PXDN: variants seen among roughly 807,000 people sequenced by gnomAD.
PXDN encodes the protein peroxidasin homolog.
PXDN carries 77 observed loss-of-function variants against 140.3 expected under a neutral mutation model. The ratio of observed to expected loss-of-function variants is 0.55; its 90% CI spans 0.46 to 0.66. PXDN has a LOEUF of 0.66. PXDN is among the 30% of genes least tolerant of loss of function. PXDN has a pLI of 0.00. For synonymous variants in PXDN, 911 were observed against 857.4 expected, an observed-to-expected ratio of 1.06 and a Z score of -1.09; for missense variants, 1,838 against 2,039.5, an observed-to-expected ratio of 0.90 and a Z score of 1.90.
chr2:1,668,840 C>T (rs558717911), intron 9 of PXDN, among the ~76,000 whole-genome samples: 47 of 152,300 alleles, frequency 3.1e-4, no homozygotes, highest in African/African-American at 1.1e-3. Context: ...AACATTTTTA[C>T]GCTGTTGCTG....
At chr2:1,665,955 C>G (rs1683423984) in intron 10 of PXDN, among the ~76,000 whole-genome samples, 2 of 152,350 alleles carry the variant, frequency 1.3e-5, no homozygotes, top group South Asian at 2.1e-4. Flanking sequence ...GATAGACACT[C>G]CTGCTGGCCA....
intron 16 of PXDN, among the ~76,000 whole-genome samples, chr2:1,650,034 C>T (rs1054581797): frequency 6.6e-6 from 1 of 152,158 alleles, no homozygotes; most frequent in African/African-American, 2.4e-5. Flanking sequence ...ACTGTTCCAA[C>T]CTCACTTTAA....
chr2:1,644,586 A>C (rs373350185), intron 18 of PXDN, 32 bp downstream of exon 18: 2 of 1,560,762 alleles, frequency 1.3e-6, no homozygotes, highest in African/African-American at 2.7e-5. Flanking sequence ...GTGGCTTAGG[A>C]GCGTGCTCCC....
At position 1,649,699 on chromosome 2, in the gene PXDN, C is replaced by G. The variant is rs747636202; in HGVS notation, c.2105-24G>C. ...ACCTGGGACGTGGAGAAAAGCAAGA[C>G]GCACTCAATTCCCCTGGAGGATGTG... On this transcript the variant is annotated intron_variant, in intron 16 of 22. Transcript: ENST00000252804. The surrounding 1 kb of genome is among the most constrained non-coding windows in gnomAD (Gnocchi z 7.1). 6.2e-7 allele frequency: 1 copy of G among 1,612,072 alleles called. No homozygotes were observed. The highest frequency in any genetic ancestry group is 2.2e-5 in the East Asian group (1 of 44,860).
intron 11 of PXDN, 61 bp downstream of exon 11, chr2:1,664,897 T>C (rs1304793409): frequency 1.4e-6 from 2 of 1,381,480 alleles, no homozygotes; most frequent in Non-Finnish European, 2.0e-6. Flanking sequence ...ACAGTGGAAA[T>C]GTGTGCTTCC....
intron 1 of PXDN, among the ~76,000 whole-genome samples, chr2:1,694,794 C>T (rs544516530): frequency 6.6e-6 from 1 of 152,284 alleles, no homozygotes; most frequent in Non-Finnish European, 1.5e-5. Context: ...AGCAGCCATC[C>T]AGGATGCCCA....
chr2:1,665,103 A>C (rs1401431757), intron 10 of PXDN, 29 bp from the exon 11 acceptor site: 3 of 1,519,378 alleles, frequency 2.0e-6, no homozygotes. Flanking sequence ...TCAAAACAGG[A>C]CATGTAAAAA....
Position 1,632,244 on chromosome 2 carries a change from A to T in PXDN, c.*1960T>A, listed in dbSNP as rs1682429113. 6.6e-6 allele frequency: 1 copy of T among 152,172 alleles called. No homozygotes were observed. Among genetic ancestry groups the T allele is most frequent in the Non-Finnish European group, 1.5e-5 (1 of 68,036 alleles). 9.4% of individuals were successfully genotyped at this position (152,172 alleles called of 1,614,324 possible). A position where few individuals can be genotyped will look rare whatever the true frequency, so the allele number is the denominator to read the frequency against. The stretch of plus-strand genomic sequence containing the variant: ...GACTGGCCCAGACCGCACATTACGC[A>T]GGTGTGCTACAGGTGTGCCGCCTCA... On this transcript the variant is annotated 3_prime_UTR_variant, in exon 23 of 23. Coordinates refer to ENST00000252804, the MANE Select transcript of PXDN (RefSeq NM_012293.3). This position sits in a 1 kb window ranked among gnomAD's most constrained non-coding sequence, Gnocchi z 4.3.
At chr2:1,716,883 A>G (rs1382419793) in intron 1 of PXDN, among the ~76,000 whole-genome samples, 3 of 152,204 alleles carry the variant, frequency 2.0e-5, no homozygotes, top group Admixed American at 6.5e-5. Flanking sequence ...ACAGGTTCAG[A>G]TAAGTGGGTC....
intron 6 of PXDN, among the ~76,000 whole-genome samples, chr2:1,681,273 A>ACACACT (rs1491323628): frequency 2.0e-5 from 3 of 151,682 alleles, no homozygotes; most frequent in Non-Finnish European, 4.4e-5. Context: ...ATGGCAGGAA[A>ACACACT]CACACTATCT....
intron 1 of PXDN, among the ~76,000 whole-genome samples, chr2:1,713,717 T>A: frequency 6.6e-6 from 1 of 152,176 alleles, no homozygotes; most frequent in South Asian, 2.1e-4. Context: ...CTCCGGAGCA[T>A]GGGGGCACAG....
At chr2:1,655,241 CACAG>C (rs1481462405) in intron 14 of PXDN, among the ~76,000 whole-genome samples, 1 of 151,306 alleles carries the variant, frequency 6.6e-6, no homozygotes, top group Non-Finnish European at 1.5e-5. Context: ...ACATTATATA[CACAG>C]AAACACATAC....
chr2:1,680,684 C>T (rs962741725), intron 6 of PXDN, among the ~76,000 whole-genome samples: 5 of 152,160 alleles, frequency 3.3e-5, no homozygotes, highest in African/African-American at 4.8e-5. Flanking sequence ...AGTGTGCCAG[C>T]GGCACAGGTC....
rs2278114 is a variant in PXDN at position 1,687,474 on chromosome 2, C to A, written c.416+158G>T. On this transcript the variant is annotated intron_variant, in intron 4 of 22. Coordinates refer to ENST00000252804, the MANE Select transcript of PXDN (RefSeq NM_012293.3). The surrounding 1 kb of genome is among the most constrained non-coding windows in gnomAD (Gnocchi z 4.0). ...GGCGGGGCGGAGGGCAAATGACTCG[C>A]CCATCCCTGTTTTTCCGTCATCATG... Among the ~76,000 whole-genome samples the A allele has an allele frequency of 6.6e-6, 1 of 152,148 alleles. No individual in the cohort carries two copies. Among genetic ancestry groups the A allele is most frequent in the Non-Finnish European group, 1.5e-5 (1 of 68,030 alleles).
Position 1,685,022 on chromosome 2 carries a change from A to T in PXDN, c.417-871T>A, listed in dbSNP as rs1164157343. 6.6e-6 allele frequency among the ~76,000 whole-genome samples: 1 copy of T among 152,226 alleles called. No homozygotes were observed. ...AGCATGCCAGCGTTCACAGGTCTTC[A>T]TAACTCCACAGAAAGGAGGACTCCT... On this transcript the variant is annotated intron_variant, in intron 4 of 22. Coordinates refer to ENST00000252804, the MANE Select transcript of PXDN (RefSeq NM_012293.3). This position sits in a 1 kb window ranked among gnomAD's most constrained non-coding sequence, Gnocchi z 5.1.
At position 1,744,290 on chromosome 2, in the gene PXDN, C is replaced by T. The variant is rs1323489462; in HGVS notation, c.166G>A (p.Ala56Thr). 9 of 1,521,890 alleles carry T rather than the reference C, an allele frequency of 5.9e-6. No homozygotes were observed. Among genetic ancestry groups the T allele is most frequent in the South Asian group, 1.2e-5 (1 of 82,544 alleles). 94.3% of individuals were successfully genotyped at this position (1,521,890 alleles called of 1,614,324 possible). A position where few individuals can be genotyped will look rare whatever the true frequency, so the allele number is the denominator to read the frequency against. The change falls in exon 1 of 23, where the codon GCC becomes ACC. Residue 56 changes from alanine to threonine, a missense_variant. This residue lies in a region of PXDN where 231 missense variants were observed against 201.5 expected (regional missense o/e 1.15). Coordinates refer to ENST00000252804, the MANE Select transcript of PXDN (RefSeq NM_012293.3). ...TVRCMHLLLE[A>T]VPAVAPQTSI... ...GTCTGCGGCGCCACGGCGGGCACGG[C>T]CTCCAGCAGCAGATGCATGCAGCGC...
chr2:1,737,108 C>T (rs955412600), intron 1 of PXDN, among the ~76,000 whole-genome samples: 1 of 152,192 alleles, frequency 6.6e-6, no homozygotes, highest in Non-Finnish European at 1.5e-5. Context: ...TGGACAGGAG[C>T]AGGGCATGAA....
intron 1 of PXDN, among the ~76,000 whole-genome samples, chr2:1,730,048 A>G (rs140099537): frequency 1.7e-3 from 255 of 152,134 alleles, no homozygotes; most frequent in African/African-American, 6.0e-3. Flanking sequence ...GATAAATATT[A>G]ACAGGTAGAC....
At chr2:1,634,427 G>A (rs1238133515) in intron 22 of PXDN, 104 bp from the exon 23 acceptor site, 8 of 1,410,350 alleles carry the variant, frequency 5.7e-6, no homozygotes, top group Non-Finnish European at 6.6e-6. Flanking sequence ...CATGAGTCAG[G>A]CCTTGCCCTG....
Sources: allele counts gnomAD v4.1 joint callset (sites outside exome capture counted in the v4.1 genomes callset), GRCh38; gene constraint gnomAD v4.1.1; regional missense constraint gnomAD v4.1.1; non-coding constraint Gnocchi (gnomAD v3.1); transcripts MANE v1.5; gene names NCBI Gene and HGNC (gene_info 2026-07-23, HGNC 2026-07-21).